Variants in SLC4A10 observed in about 807,000 individuals in gnomAD.
SLC4A10 encodes the protein solute carrier family 4 member 10, also known as sodium-driven chloride bicarbonate exchanger.
Under a neutral mutation model 137.7 loss-of-function variants are expected in SLC4A10, and 42 were observed. The ratio of observed to expected loss-of-function variants is 0.30; its 90% CI spans 0.24 to 0.39. The LOEUF is 0.39. SLC4A10 is among the 10% of genes least tolerant of loss of function. The pLI is 1.00. For synonymous variants in SLC4A10, 474 were observed against 464.1 expected, an observed-to-expected ratio of 1.02 and a Z score of -0.27; for missense variants, 925 against 1,355.0, an observed-to-expected ratio of 0.68 and a Z score of 4.98.
rs374015825 is a variant in SLC4A10 at position 161,934,376 on chromosome 2, T to C, written c.1998-8416T>C. On this transcript the variant is annotated intron_variant, in intron 15 of 26. Transcript: ENST00000446997. Reference sequence around the variant, plus strand: ...TACTTTTTATCTACATGAGGTCGATTATTTTAATTTTTAGCTCCCACAAAT... The same window carrying C: ...TACTTTTTATCTACATGAGGTCGATCATTTTAATTTTTAGCTCCCACAAAT... Among the ~76,000 whole-genome samples, 10 of 152,314 alleles carry C rather than the reference T, an allele frequency of 6.6e-5. No homozygotes were observed. The East Asian group carries it at 1.9e-3, about 29-fold the overall frequency.
intron 3 of SLC4A10, among the ~76,000 whole-genome samples, chr2:161,827,816 C>A (rs571170018): frequency 1.3e-5 from 2 of 152,148 alleles, no homozygotes; most frequent in Non-Finnish European, 2.9e-5. Context: ...CCGCCCTTCT[C>A]GGCCTCCCAA....
intron 11 of SLC4A10, among the ~76,000 whole-genome samples, 182 bp downstream of exon 11, chr2:161,895,007 C>T (rs2063304231): frequency 6.6e-6 from 1 of 151,166 alleles, no homozygotes. Flanking sequence ...TGGTGTGCTG[C>T]ACCCATTAAC....
chr2:161,703,937 C>T (rs968799504), intron 1 of SLC4A10, among the ~76,000 whole-genome samples: 1 of 151,602 alleles, frequency 6.6e-6, no homozygotes, highest in Non-Finnish European at 1.5e-5. Flanking sequence ...GGCCAGCCTC[C>T]ATCTATAAGG....
chr2:161,785,602 A>T (rs1395775013), intron 2 of SLC4A10, among the ~76,000 whole-genome samples: 1 of 151,836 alleles, frequency 6.6e-6, no homozygotes, highest in African/African-American at 2.4e-5. Context: ...TGCCACATTC[A>T]CAGAGTAAAG....
intron 1 of SLC4A10, among the ~76,000 whole-genome samples, chr2:161,630,813 A>G (rs1429722800): frequency 2.0e-5 from 3 of 151,938 alleles, no homozygotes; most frequent in Middle Eastern, 3.4e-3. Context: ...CCAGCCTTGC[A>G]GATGAGAAAC....
intron 15 of SLC4A10, among the ~76,000 whole-genome samples, chr2:161,911,250 T>A (rs1685777475): frequency 6.6e-6 from 1 of 152,006 alleles, no homozygotes; most frequent in Non-Finnish European, 1.5e-5. Flanking sequence ...AGCTAGAAGT[T>A]TGGGATAAAT....
intron 1 of SLC4A10, among the ~76,000 whole-genome samples, chr2:161,768,277 T>C (rs2051149221): frequency 6.6e-6 from 1 of 151,996 alleles, no homozygotes; most frequent in African/African-American, 2.4e-5. Context: ...CTACCTGACA[T>C]CCATAAGTCC....
chr2:161,905,702 A>C lies in SLC4A10; in HGVS notation c.1812A>C (p.Leu604=). Reference sequence around the variant, plus strand: ...GCATTGGACTTTGGACTGCAACTCTATGTATCATACTTGTGGCCACAGATG... The same window carrying C: ...GCATTGGACTTTGGACTGCAACTCTCTGTATCATACTTGTGGCCACAGATG... The part of the protein sequence containing the change: ...RASIGLWTAT[L]CIILVATDAS... Residue 604 remains leucine, a synonymous_variant, in exon 15 of 27, where the codon CTA becomes CTC. Coordinates refer to ENST00000446997, the MANE Select transcript of SLC4A10 (RefSeq NM_001178015.2). The C allele has an allele frequency of 6.2e-7, 1 of 1,613,996 alleles. No homozygotes were observed. The highest frequency in any genetic ancestry group is 8.5e-7 in the Non-Finnish European group (1 of 1,179,884).
chr2:161,962,354 G>C (rs1261752312), intron 21 of SLC4A10, among the ~76,000 whole-genome samples: 1 of 152,136 alleles, frequency 6.6e-6, no homozygotes, highest in Non-Finnish European at 1.5e-5. Flanking sequence ...ACACACTGAA[G>C]TACACTTATG....
At chr2:161,899,323 T>C (rs2063854652) in intron 11 of SLC4A10, among the ~76,000 whole-genome samples, 1 of 152,112 alleles carries the variant, frequency 6.6e-6, no homozygotes, top group South Asian at 2.1e-4. Flanking sequence ...GCCACTCTTA[T>C]TCATTCCCTT....
intron 1 of SLC4A10, among the ~76,000 whole-genome samples, chr2:161,699,146 A>C (rs1295477772): frequency 6.6e-6 from 1 of 152,094 alleles, no homozygotes; most frequent in Admixed American, 6.5e-5. Flanking sequence ...CAGCTTCAGG[A>C]GTAGCTGGGA....
chr2:161,706,972 C>T (rs1444694167), intron 1 of SLC4A10, among the ~76,000 whole-genome samples: 2 of 151,496 alleles, frequency 1.3e-5, no homozygotes, highest in African/African-American at 4.8e-5. Flanking sequence ...GAGTCCCTAG[C>T]ACCTATATAG....
intron 1 of SLC4A10, chr2:161,708,852 G>T: frequency 2.0e-6 from 3 of 1,521,800 alleles, no homozygotes; most frequent in Non-Finnish European, 2.6e-6. Context: ...GAATTATGAT[G>T]ATAATATTAG....
intron 1 of SLC4A10, among the ~76,000 whole-genome samples, chr2:161,659,651 TAAAC>T (rs1459382899): frequency 6.6e-6 from 1 of 151,632 alleles, no homozygotes; most frequent in African/African-American, 2.4e-5. Context: ...AAATAAAAAA[TAAAC>T]AAAAAATGAA....
chr2:161,933,251 C>CTTT (rs1301630072), intron 15 of SLC4A10, among the ~76,000 whole-genome samples: 1 of 76,868 alleles, frequency 1.3e-5, no homozygotes, highest in Non-Finnish European at 2.6e-5. Context: ...TTCTTTCTTT[C>CTTT]TTCTTTCTTT....
chr2:161,887,571 C>T (rs1176331099), intron 10 of SLC4A10, among the ~76,000 whole-genome samples: 1 of 152,098 alleles, frequency 6.6e-6, no homozygotes, highest in Non-Finnish European at 1.5e-5. Flanking sequence ...TGATGATGAG[C>T]TTTTTTTCAT....
intron 1 of SLC4A10, among the ~76,000 whole-genome samples, chr2:161,703,501 A>T (rs55841284): frequency 6.6e-6 from 1 of 151,616 alleles, no homozygotes; most frequent in African/African-American, 2.4e-5. Flanking sequence ...AATTTTATGG[A>T]TGATTCTCCC....
At chr2:161,626,818 A>G (rs954165444) in intron 1 of SLC4A10, among the ~76,000 whole-genome samples, 1 of 152,136 alleles carries the variant, frequency 6.6e-6, no homozygotes, top group African/African-American at 2.4e-5. Flanking sequence ...TATTTTTTAC[A>G]TTACATTCTT....
chr2:161,829,112 A>G (rs1001677562), intron 3 of SLC4A10, among the ~76,000 whole-genome samples: 4 of 151,892 alleles, frequency 2.6e-5, no homozygotes, highest in African/African-American at 9.7e-5. Context: ...TCTTCTTGTG[A>G]AAACCTCCTT....
Sources: gnomAD v4.1 joint callset for allele counts (sites outside exome capture counted in the v4.1 genomes callset) on GRCh38, gnomAD v4.1.1 for gene constraint, MANE v1.5 for transcripts, NCBI Gene and HGNC (gene_info 2026-07-23, HGNC 2026-07-21) for gene names.